The following COL11A1 variants were observed in gnomAD, a reference collection of about 807,000 sequenced individuals.
COL11A1 encodes the protein collagen alpha-1(XI) chain.
Under a neutral mutation model 265.2 loss-of-function variants are expected in COL11A1, and 74 were observed. That is an observed-to-expected ratio of 0.28 (90% CI 0.23 to 0.34). COL11A1 has a LOEUF of 0.34. Ranked by LOEUF, COL11A1 falls within the 10% of genes least tolerant of loss-of-function variation. COL11A1 has a pLI of 1.00. For missense variants in COL11A1, 2,165 were observed against 2,263.6 expected (o/e 0.96, Z 0.88); for synonymous variants, 816 against 727.6 (o/e 1.12, Z -1.96).
In COL11A1 at chr1:102,995,970, G is replaced by A; in HGVS notation, c.2295+19C>T. 1 of 1,613,270 alleles carries A rather than the reference G, an allele frequency of 6.2e-7. No individual in the cohort carries two copies. Among genetic ancestry groups the A allele is most frequent in the South Asian group, 1.1e-5 (1 of 91,064 alleles). ...ATTTCACTTTGAAAGTAAATAATGT[G>A]AAAACAATTTAACGTTACCTTTACT... On this transcript the variant is annotated intron_variant, in intron 27 of 66. Transcript: ENST00000370096.
At chr1:102,950,830 C>A (rs1185493501) in intron 41 of COL11A1, among the ~76,000 whole-genome samples, 1 of 152,148 alleles carries the variant, frequency 6.6e-6, no homozygotes. Context: ...CCCCACCTGT[C>A]AAGGGAGAGA....
At chr1:103,015,576 A>G (rs1025879963) in intron 12 of COL11A1, 92 bp downstream of exon 12, 2 of 956,710 alleles carry the variant, frequency 2.1e-6, no homozygotes, top group Non-Finnish European at 3.2e-6. Context: ...AATGGTTTTT[A>G]GTTGATTGCT....
intron 4 of COL11A1, among the ~76,000 whole-genome samples, chr1:103,057,286 A>G (rs1358868422): frequency 6.6e-6 from 1 of 152,194 alleles, no homozygotes; most frequent in Non-Finnish European, 1.5e-5. Flanking sequence ...ATCCATAAGA[A>G]GCAACTCATC....
chr1:103,031,974 AAGAGCT>A (rs1668032761), intron 4 of COL11A1, among the ~76,000 whole-genome samples: 1 of 151,252 alleles, frequency 6.6e-6, no homozygotes, highest in Admixed American at 6.6e-5. Context: ...TTTTAATTTC[AAGAGCT>A]TTTGGAAACT....
intron 4 of COL11A1, among the ~76,000 whole-genome samples, chr1:103,042,977 A>T (rs1167370025): frequency 6.8e-6 from 1 of 147,098 alleles, no homozygotes; most frequent in African/African-American, 2.5e-5. Flanking sequence ...CATATATGTG[A>T]AATATATATG....
chr1:102,915,716 T>A (rs889286103), intron 49 of COL11A1, 32 bp from the exon 50 acceptor site: 1 of 1,474,312 alleles, frequency 6.8e-7, no homozygotes, highest in African/African-American at 1.4e-5. Context: ...AGTATTAGAA[T>A]ACAGAGATGA....
intron 28 of COL11A1, among the ~76,000 whole-genome samples, 179 bp from the exon 29 acceptor site, chr1:102,989,750 A>G (rs560721449): frequency 5.3e-4 from 80 of 152,138 alleles, no homozygotes; most frequent in Non-Finnish European, 9.7e-4. Context: ...CTGATCCCCA[A>G]TATCATCTCA....
intron 4 of COL11A1, among the ~76,000 whole-genome samples, chr1:103,068,044 G>T (rs940102964): frequency 6.6e-5 from 10 of 151,528 alleles, no homozygotes; most frequent in African/African-American, 2.4e-4. Flanking sequence ...AGTAATATAA[G>T]AAAGTTTTCA....
intron 20 of COL11A1, 71 bp from the exon 21 acceptor site, chr1:103,003,339 A>G: frequency 7.1e-7 from 1 of 1,399,346 alleles, no homozygotes; most frequent in Non-Finnish European, 9.9e-7. Flanking sequence ...TCTTTCAATG[A>G]AGAAATCCTA....
At chr1:103,084,827 A>G (rs1226057148) in intron 1 of COL11A1, among the ~76,000 whole-genome samples, 4 of 152,172 alleles carry the variant, frequency 2.6e-5, no homozygotes, top group Admixed American at 2.0e-4. Flanking sequence ...AATGAAACCA[A>G]TTTGACCATA....
At chr1:102,938,109 T>A (rs1467653612) in intron 44 of COL11A1, among the ~76,000 whole-genome samples, 2 of 152,208 alleles carry the variant, frequency 1.3e-5, no homozygotes, top group Non-Finnish European at 2.9e-5. Context: ...AAAATTCATC[T>A]CATAGGACTA....
At chr1:103,065,556 A>G (rs1194804066) in intron 4 of COL11A1, among the ~76,000 whole-genome samples, 2 of 65,210 alleles carry the variant, frequency 3.1e-5, no homozygotes, top group South Asian at 6.8e-4. Context: ...AAGAAAGCAA[A>G]CAAACAAACA....
chr1:102,877,950 GT>G lies in COL11A1; in HGVS notation c.*68del. The stretch of plus-strand genomic sequence containing the variant: ...TACCATCCTTATTCAAAACTTGCAT[GT>G]GGCACAAAATGGGTTGGTGGCACCA... On this transcript the variant is annotated 3_prime_UTR_variant, in exon 67 of 67. Transcript: ENST00000370096. 1 of 1,527,066 alleles carries G rather than the reference GT, an allele frequency of 6.5e-7. No homozygotes were observed. The highest frequency in any genetic ancestry group is 9.1e-7 in the Non-Finnish European group (1 of 1,102,358). 94.6% of individuals were successfully genotyped at this position (1,527,066 alleles called of 1,614,324 possible).
At chr1:102,958,915 C>A (rs188367623) in intron 41 of COL11A1, among the ~76,000 whole-genome samples, 256 of 152,238 alleles carry the variant, frequency 1.7e-3, no homozygotes, top group African/African-American at 5.8e-3. Context: ...AACTGTCATT[C>A]TCTCAAGGAC....
At chr1:103,043,741 C>T (rs781298674) in intron 4 of COL11A1, among the ~76,000 whole-genome samples, 30 of 151,834 alleles carry the variant, frequency 2.0e-4, no homozygotes, top group Non-Finnish European at 3.5e-4. Flanking sequence ...GAAAACAAAC[C>T]TTTAAGTGGC....
intron 6 of COL11A1, chr1:103,025,973 T>C (rs371603552): frequency 1.9e-6 from 3 of 1,606,188 alleles, no homozygotes; most frequent in South Asian, 2.2e-5. Context: ...TGGTGAAAGA[T>C]GGAATGGAAA....
At chr1:102,928,404 T>C (rs1656910384) in intron 46 of COL11A1, among the ~76,000 whole-genome samples, 1 of 151,870 alleles carries the variant, frequency 6.6e-6, no homozygotes, top group South Asian at 2.1e-4. Flanking sequence ...TCCAATTTCA[T>C]CCATGTCCCT....
At chr1:102,906,917 T>C (rs975567915) in intron 54 of COL11A1, among the ~76,000 whole-genome samples, 1 of 152,038 alleles carries the variant, frequency 6.6e-6, no homozygotes, top group Non-Finnish European at 1.5e-5. Flanking sequence ...AAAATATATT[T>C]TACTCTGGTG....
intron 41 of COL11A1, among the ~76,000 whole-genome samples, chr1:102,961,046 A>G (rs1156956212): frequency 6.6e-6 from 1 of 152,218 alleles, no homozygotes; most frequent in Non-Finnish European, 1.5e-5. Flanking sequence ...TTGGAAGCAA[A>G]ACTAATGAAT....
Sources: allele counts gnomAD v4.1 joint callset (sites outside exome capture counted in the v4.1 genomes callset), GRCh38; gene constraint gnomAD v4.1.1; transcripts MANE v1.5; gene names NCBI Gene and HGNC (gene_info 2026-07-23, HGNC 2026-07-21).